The following WDR47 variants were observed in gnomAD, a reference collection of about 807,000 sequenced individuals.
The protein encoded by WDR47 is WD repeat-containing protein 47.
In WDR47, 32 loss-of-function variants were observed where a neutral mutation model predicts 97.2. That is an observed-to-expected ratio of 0.33 (90% confidence interval 0.25 to 0.44). The LOEUF (loss-of-function observed/expected upper bound fraction) is 0.44. WDR47 is among the 20% of genes least tolerant of loss of function. The pLI, the probability that WDR47 is intolerant of heterozygous loss-of-function variation, is 1.00. For synonymous variants in WDR47, 375 were observed against 373.5 expected (o/e 1.00, Z -0.05); for missense variants, 782 against 1,102.3 (o/e 0.71, Z 4.11).
intron 9 of WDR47, among the ~76,000 whole-genome samples, chr1:108,988,784 G>A (rs1557924183): frequency 6.6e-6 from 1 of 151,570 alleles, no homozygotes; most frequent in Non-Finnish European, 1.5e-5. Context: ...TTGAGATGGA[G>A]TATCGCTCTA....
intron 13 of WDR47, among the ~76,000 whole-genome samples, chr1:108,975,429 T>G (rs1390966859): frequency 6.6e-6 from 1 of 151,990 alleles, no homozygotes; most frequent in Admixed American, 6.5e-5. Flanking sequence ...GAGACCAGCC[T>G]GGCCAACATG....
intron 7 of WDR47, among the ~76,000 whole-genome samples, chr1:108,999,912 C>T (rs1258903092): frequency 2.0e-5 from 3 of 152,080 alleles, no homozygotes; most frequent in Admixed American, 6.6e-5. Flanking sequence ...ATGAAGAAAA[C>T]ATCCAAAAAC....
chr1:108,999,812 T>C (rs766114709), intron 7 of WDR47, among the ~76,000 whole-genome samples: 5 of 152,212 alleles, frequency 3.3e-5, no homozygotes, highest in Non-Finnish European at 5.9e-5. Flanking sequence ...CACAGAACTT[T>C]GCCATTTCAT....
intron 9 of WDR47, among the ~76,000 whole-genome samples, chr1:108,990,523 A>T (rs1168385655): frequency 6.6e-6 from 1 of 151,976 alleles, no homozygotes; most frequent in Non-Finnish European, 1.5e-5. Context: ...ATTTTTTTTT[A>T]AATCAAAGGA....
chr1:109,022,447 C>CT (rs1661912721), intron 2 of WDR47, among the ~76,000 whole-genome samples: 3 of 128,716 alleles, frequency 2.3e-5, no homozygotes, highest in South Asian at 2.6e-4. Context: ...TTTCAAAGTC[C>CT]GATTTTCTTA....
Position 108,981,752 on chromosome 1 carries a change from G to A in WDR47, c.2379C>T (p.Gly793=), listed in dbSNP as rs754712052. ...LRVPSCVRVV[G]TTFHGTGSAV... Reference sequence around the variant, plus strand: ...ACCTACCAGTTCCATGAAATGTTGTGCCAACAACACGAACACAACTTGGTA... The same window carrying A: ...ACCTACCAGTTCCATGAAATGTTGTACCAACAACACGAACACAACTTGGTA... Residue 793 remains glycine, a synonymous_variant, in exon 13 of 15, where the codon GGC becomes GGT. Coordinates refer to ENST00000369962, the MANE Select transcript of WDR47 (RefSeq NM_001142551.2). 3 of 1,612,184 alleles carry A rather than the reference G, an allele frequency of 1.9e-6. No homozygotes were observed. The highest frequency in any genetic ancestry group is 2.5e-6 in the Non-Finnish European group (3 of 1,179,186).
chr1:109,031,910 C>T (rs1662631148), intron 1 of WDR47, among the ~76,000 whole-genome samples: 1 of 135,262 alleles, frequency 7.4e-6, no homozygotes, highest in Non-Finnish European at 1.6e-5. Flanking sequence ...AGAGATCCTC[C>T]CGCCTCAGCC....
In WDR47 at chr1:108,986,684, T is replaced by C. The variant is rs370307815; in HGVS notation, c.1768-4A>G. On this transcript the variant is annotated splice_polypyrimidine_tract_variant and splice_region_variant and intron_variant, in intron 9 of 14. Transcript: ENST00000369962. ...ACTGCTTTTTTGATTTGTCATCCTA[T>C]GGAAAGAATGAATATTAGTTATCCT... 5.3e-6 allele frequency: 8 copies of C among 1,518,820 alleles called. No individual in the cohort carries two copies. In the African/African-American group the frequency reaches 1.3e-4, roughly 25 times the overall value. 94.1% of individuals were successfully genotyped at this position (1,518,820 alleles called of 1,614,324 possible).
rs780682294 is a variant in WDR47, at chr1:108,974,514, CAG to C, written c.2617+20_2617+21del. On this transcript the variant is annotated intron_variant, in intron 14 of 14. Transcript: ENST00000369962. ...CAAATAGAACAGGAAAGACTAAAAA[CAG>C]AGAAGTCGATCTCAATCACCTTGTA... 1 of 1,603,172 alleles carries C rather than the reference CAG, an allele frequency of 6.2e-7. No individual in the cohort carries two copies. Among genetic ancestry groups the C allele is most frequent in the Non-Finnish European group, 8.5e-7 (1 of 1,171,666 alleles).
In WDR47 at chr1:109,016,789, T is replaced by TAAA. The variant is rs71593460; in HGVS notation, c.242+726_242+728dup. ...CATTTACAAAATAATTAGATATAGT[T>TAAA]AAAAAAAAAAACAAAAAGTGACTCC... On this transcript the variant is annotated intron_variant, in intron 3 of 14. Coordinates refer to ENST00000369962, the MANE Select transcript of WDR47 (RefSeq NM_001142551.2). 2.8e-5 allele frequency among the ~76,000 whole-genome samples: 4 copies of TAAA among 143,024 alleles called. No homozygotes were observed. The South Asian group carries it at 6.7e-4, about 24-fold the overall frequency. 93.8% of individuals were successfully genotyped at this position (143,024 alleles called of 152,430 possible). A position where few individuals can be genotyped will look rare whatever the true frequency, so the allele number is the denominator to read the frequency against.
chr1:109,023,349 T>G lies in WDR47; in HGVS notation c.158+6A>C. The G allele has an allele frequency of 6.2e-7, 1 of 1,612,852 alleles. No individual in the cohort carries two copies. Among genetic ancestry groups the G allele is most frequent in the Non-Finnish European group, 8.5e-7 (1 of 1,179,466 alleles). On this transcript the variant is annotated splice_donor_region_variant and intron_variant, in intron 2 of 14. Transcript: ENST00000369962. ...CTACAAACTTCACAGTATAATGAAATCATACCTCAGGAAAAGCATATCATC... is the reference window on the plus strand; with the variant it reads ...CTACAAACTTCACAGTATAATGAAAGCATACCTCAGGAAAAGCATATCATC...
At chr1:109,003,548 C>T (rs1054630930) in intron 6 of WDR47, among the ~76,000 whole-genome samples, 1 of 152,194 alleles carries the variant, frequency 6.6e-6, no homozygotes, top group African/African-American at 2.4e-5. Context: ...GTCGCCCAGG[C>T]TGGGATGCAG....
intron 1 of WDR47, among the ~76,000 whole-genome samples, chr1:109,034,470 A>G (rs1662799833): frequency 6.6e-6 from 1 of 152,230 alleles, no homozygotes; most frequent in East Asian, 1.9e-4. Flanking sequence ...TTCATACTAT[A>G]AAACAGGGGT....
intron 1 of WDR47, among the ~76,000 whole-genome samples, chr1:109,039,234 G>C (rs1663175086): frequency 1.3e-5 from 2 of 152,034 alleles, no homozygotes; most frequent in Non-Finnish European, 1.5e-5. Context: ...AAGGTTTTAA[G>C]GGAGTGTGTG....
At chr1:108,975,608 G>A (rs991497898) in intron 13 of WDR47, among the ~76,000 whole-genome samples, 9 of 150,942 alleles carry the variant, frequency 6.0e-5, no homozygotes, top group Non-Finnish European at 1.0e-4. Flanking sequence ...GCGACAGAGC[G>A]AGACTCCATC....
At chr1:108,985,808 A>G (rs1473650346) in intron 10 of WDR47, among the ~76,000 whole-genome samples, 1 of 152,148 alleles carries the variant, frequency 6.6e-6, no homozygotes, top group Non-Finnish European at 1.5e-5. Context: ...ACTCCCTTAT[A>G]GAGAATTTTG....
At chr1:109,031,274 T>G (rs1385594600) in intron 1 of WDR47, among the ~76,000 whole-genome samples, 1 of 140,170 alleles carries the variant, frequency 7.1e-6, no homozygotes, top group African/African-American at 2.6e-5. Context: ...TTACTTTAAT[T>G]TACCTTCTGG....
intron 4 of WDR47, 38 bp downstream of exon 4, chr1:109,013,803 A>G (rs753635081): frequency 6.3e-7 from 1 of 1,599,914 alleles, no homozygotes; most frequent in South Asian, 1.1e-5. Flanking sequence ...GACTGAAAAC[A>G]AGACTAGGGC....
intron 2 of WDR47, among the ~76,000 whole-genome samples, chr1:109,022,914 A>AT (rs764633882): frequency 2.0e-5 from 3 of 149,824 alleles, no homozygotes; most frequent in Non-Finnish European, 4.4e-5. Flanking sequence ...TTTTTAAAAT[A>AT]TTTTTTTAGG....
Sources: gnomAD v4.1 joint callset for allele counts (sites outside exome capture counted in the v4.1 genomes callset) on GRCh38, gnomAD v4.1.1 for gene constraint, MANE v1.5 for transcripts, NCBI Gene and HGNC (gene_info 2026-07-23, HGNC 2026-07-21) for gene names.